The following EPHA3 variants were observed in gnomAD, a reference collection of about 807,000 sequenced individuals.
EPHA3 encodes the protein ephrin type-A receptor 3.
In EPHA3, 42 loss-of-function variants were observed where a neutral mutation model predicts 107.1. The ratio of observed to expected loss-of-function variants is 0.39; its 90% CI spans 0.31 to 0.51. The LOEUF (loss-of-function observed/expected upper bound fraction) is 0.51. EPHA3 is among the 20% of genes least tolerant of loss of function. The pLI is 0.78. For synonymous variants in EPHA3, 461 were observed against 424.8 expected (o/e 1.09, Z -1.05); for missense variants, 1,183 against 1,211.2 (o/e 0.98, Z 0.35).
chr3:89,187,248 A>G (rs1420123095), intron 2 of EPHA3, among the ~76,000 whole-genome samples: 2 of 150,024 alleles, frequency 1.3e-5, no homozygotes, highest in African/African-American at 4.9e-5. Flanking sequence ...AATGTATATT[A>G]ATAAGTAATT....
chr3:89,205,781 A>G (rs556126402), intron 2 of EPHA3, among the ~76,000 whole-genome samples: 9 of 148,056 alleles, frequency 6.1e-5, no homozygotes, highest in Admixed American at 3.3e-4. Flanking sequence ...ACCAAATTCT[A>G]TGTTACCATT....
chr3:89,481,547 C>G lies in EPHA3; in HGVS notation c.*2045C>G. 4.3e-6 allele frequency: 1 copy of G among 232,442 alleles called. No homozygotes were observed. Among genetic ancestry groups the G allele is most frequent in the African/African-American group, 2.2e-5 (1 of 45,374 alleles). 14.4% of individuals were successfully genotyped at this position (232,442 alleles called of 1,614,324 possible). On this transcript the variant is annotated 3_prime_UTR_variant, in exon 17 of 17. Coordinates refer to ENST00000336596, the MANE Select transcript of EPHA3 (RefSeq NM_005233.6). ...TTTTAGGTACTATTCTGAGCATACT[C>G]AACAAAACCCATGCATTTCATAAAC...
intron 3 of EPHA3, among the ~76,000 whole-genome samples, chr3:89,221,278 T>C (rs553960127): frequency 2.0e-5 from 3 of 152,328 alleles, no homozygotes; most frequent in African/African-American, 7.2e-5. Flanking sequence ...CATTTACTTC[T>C]GACTCCAAGG....
intron 3 of EPHA3, among the ~76,000 whole-genome samples, chr3:89,251,002 G>C (rs539615921): frequency 6.6e-6 from 1 of 152,268 alleles, no homozygotes; most frequent in Non-Finnish European, 1.5e-5. Context: ...TCATGGAACT[G>C]CTAGAAACAT....
intron 5 of EPHA3, among the ~76,000 whole-genome samples, chr3:89,356,024 CT>C (rs1334708578): frequency 5.8e-4 from 77 of 132,186 alleles, no homozygotes; most frequent in African/African-American, 2.0e-3. Flanking sequence ...TGATGTTCCC[CT>C]TCCTGTGTCC....
chr3:89,186,558 T>C (rs1705573305), intron 2 of EPHA3, among the ~76,000 whole-genome samples: 1 of 152,236 alleles, frequency 6.6e-6, no homozygotes, highest in African/African-American at 2.4e-5. Context: ...CTGATGTTTA[T>C]TAGTTGTGCT....
intron 3 of EPHA3, among the ~76,000 whole-genome samples, chr3:89,324,836 T>G (rs1707130064): frequency 1.3e-5 from 2 of 152,182 alleles, no homozygotes; most frequent in African/African-American, 4.8e-5. Context: ...ACTTAATTTT[T>G]AAACCCTTAC....
intron 1 of EPHA3, among the ~76,000 whole-genome samples, chr3:89,108,153 A>G (rs903242398): frequency 1.3e-5 from 2 of 152,222 alleles, no homozygotes; most frequent in African/African-American, 4.8e-5. Flanking sequence ...TAATTGCCAA[A>G]TAGCCAAGGC....
At chr3:89,193,583 T>G (rs535725183) in intron 2 of EPHA3, among the ~76,000 whole-genome samples, 1 of 151,908 alleles carries the variant, frequency 6.6e-6, no homozygotes, top group Non-Finnish European at 1.5e-5. Context: ...AGGAGGATAT[T>G]GAACATTTCC....
In EPHA3 at chr3:89,363,175, T is replaced by A. The variant is rs1708126844; in HGVS notation, c.1306+21085T>A. 4.6e-5 allele frequency among the ~76,000 whole-genome samples: 7 copies of A among 150,868 alleles called. 1 individual carries two copies. In the South Asian group the frequency reaches 1.5e-3, roughly 32 times the overall value. On this transcript the variant is annotated intron_variant, in intron 5 of 16. Coordinates refer to ENST00000336596, the MANE Select transcript of EPHA3 (RefSeq NM_005233.6). Reference sequence around the variant, plus strand: ...AGAGAAGCAGAACCAATAGACTGTGTGTATCTATCTATCCATTGAGAGAGA... The same window carrying A: ...AGAGAAGCAGAACCAATAGACTGTGAGTATCTATCTATCCATTGAGAGAGA...
At chr3:89,447,926 A>G (rs1457250898) in intron 13 of EPHA3, among the ~76,000 whole-genome samples, 1 of 152,164 alleles carries the variant, frequency 6.6e-6, no homozygotes, top group Non-Finnish European at 1.5e-5. Context: ...GCATGCTATG[A>G]GGTCCGATAG....
At chr3:89,225,889 T>C (rs1376293844) in intron 3 of EPHA3, among the ~76,000 whole-genome samples, 1 of 152,112 alleles carries the variant, frequency 6.6e-6, no homozygotes, top group South Asian at 2.1e-4. Flanking sequence ...CGTGTTCAAG[T>C]TACATTTGCC....
chr3:89,133,991 GT>G lies in EPHA3; in HGVS notation c.153+6719del, dbSNP rs1339307162. 9.9e-5 allele frequency among the ~76,000 whole-genome samples: 15 copies of G among 151,450 alleles called. No individual in the cohort carries two copies. In the South Asian group the frequency reaches 1.9e-3, roughly 19 times the overall value. ...TCTGATCGAGAAATGGTTCACTGTT[GT>G]GTAGAATCAGAAAATGACACTTCAA... On this transcript the variant is annotated intron_variant, in intron 2 of 16. Coordinates refer to ENST00000336596, the MANE Select transcript of EPHA3 (RefSeq NM_005233.6).
intron 3 of EPHA3, among the ~76,000 whole-genome samples, chr3:89,224,201 C>T (rs1202767676): frequency 1.3e-5 from 2 of 151,600 alleles, no homozygotes; most frequent in Non-Finnish European, 2.9e-5. Context: ...AGCATCTCTC[C>T]TATCTACACA....
chr3:89,359,543 T>C (rs1359127279), intron 5 of EPHA3, among the ~76,000 whole-genome samples: 1 of 150,258 alleles, frequency 6.7e-6, no homozygotes. Context: ...ATACTGGTAT[T>C]TACACACTAT....
chr3:89,151,557 G>A (rs945717424), intron 2 of EPHA3, among the ~76,000 whole-genome samples: 2 of 152,028 alleles, frequency 1.3e-5, no homozygotes, highest in East Asian at 3.9e-4. Context: ...CAGCTCACTG[G>A]TGCTTTGCGG....
At chr3:89,160,548 T>TGTGTGTGTA (rs1553707124) in intron 2 of EPHA3, among the ~76,000 whole-genome samples, 17 of 120,476 alleles carry the variant, frequency 1.4e-4, no homozygotes, top group Admixed American at 1.2e-3. Context: ...ATATTAGATT[T>TGTGTGTGTA]TGTGTGTGTG....
chr3:89,405,824 G>T (rs1166977110), intron 7 of EPHA3, among the ~76,000 whole-genome samples: 1 of 152,138 alleles, frequency 6.6e-6, no homozygotes, highest in African/African-American at 2.4e-5. Context: ...CAGGAATTGT[G>T]TGTATTTTAA....
intron 3 of EPHA3, among the ~76,000 whole-genome samples, chr3:89,333,641 A>G (rs561917839): frequency 1.3e-5 from 2 of 152,278 alleles, no homozygotes; most frequent in South Asian, 4.1e-4. Flanking sequence ...TGGGAGGTTG[A>G]GGCGGGGAGA....
Sources: gnomAD v4.1 joint callset for allele counts (sites outside exome capture counted in the v4.1 genomes callset) on GRCh38, gnomAD v4.1.1 for gene constraint, MANE v1.5 for transcripts, NCBI Gene and HGNC (gene_info 2026-07-23, HGNC 2026-07-21) for gene names.